GDF11: variants seen among roughly 807,000 people sequenced by gnomAD.
GDF11 encodes growth/differentiation factor 11.
GDF11 carries 12 observed loss-of-function variants against 34.4 expected under a neutral mutation model. That is an observed-to-expected ratio of 0.35 (90% CI 0.22 to 0.57). The LOEUF is 0.57. Ranked by LOEUF, GDF11 falls within the 20% of genes least tolerant of loss-of-function variation. The pLI, the probability that GDF11 is intolerant of heterozygous loss-of-function variation, is 0.86. For missense variants in GDF11, 346 were observed against 548.2 expected (o/e 0.63, Z 3.68); for synonymous variants, 212 against 231.1 (o/e 0.92, Z 0.75).
In GDF11 at chr12:55,743,672, T is replaced by A; in HGVS notation, c.356T>A (p.Phe119Tyr). 1 of 1,603,500 alleles carries A rather than the reference T, an allele frequency of 6.2e-7. No homozygotes were observed. Among genetic ancestry groups the A allele is most frequent in the Non-Finnish European group, 8.5e-7 (1 of 1,179,682 alleles). ...PLQQILDLHD[F>Y]QGDALQPEDF... ...CAGCAGATCCTGGACCTACACGACT[T>A]CCAGGGCGACGCGCTGCAGCCCGAG... is the stretch of plus-strand genomic sequence containing the variant. The change falls in exon 1 of 3, where the codon TTC (phenylalanine) becomes TAC (tyrosine). Residue 119 changes from phenylalanine to tyrosine, a missense_variant. By Grantham distance (22) the Phe-to-Tyr change is conservative. Around this residue, in one of 3 missense-constraint regions of GDF11, gnomAD observed 141 missense variants for 213.8 expected, o/e 0.66. Coordinates refer to ENST00000257868, the MANE Select transcript of GDF11 (RefSeq NM_005811.5).
chr12:55,746,374 C>G (rs568032517), intron 1 of GDF11, among the ~76,000 whole-genome samples: 1 of 152,228 alleles, frequency 6.6e-6, no homozygotes, highest in African/African-American at 2.4e-5. Flanking sequence ...CTTATTCTCC[C>G]TTTGCCATGA....
Position 55,749,057 on chromosome 12 carries a change from G to T in GDF11, c.843+74G>T. On this transcript the variant is annotated intron_variant, in intron 2 of 2. Coordinates refer to ENST00000257868, the MANE Select transcript of GDF11 (RefSeq NM_005811.5). This position sits in a 1 kb window ranked among gnomAD's most constrained non-coding sequence, Gnocchi z 5.6. ...AGATAGGGTTACATTGGAAAAGGTA[G>T]ACAAGGAATGTGAAGGAGGTTGGGG... The T allele has an allele frequency of 1.4e-6, 2 of 1,406,994 alleles. No individual in the cohort carries two copies. Among genetic ancestry groups the T allele is most frequent in the South Asian group, 2.8e-5 (2 of 70,826 alleles). 87.2% of individuals were successfully genotyped at this position (1,406,994 alleles called of 1,614,324 possible).
rs746758754 is a variant in GDF11 at position 55,748,437 on chromosome 12, C to T, written c.446-149C>T. The T allele has an allele frequency of 3.4e-5, 24 of 699,884 alleles. No individual in the cohort carries two copies. The highest frequency in any genetic ancestry group is 4.1e-4 in the Middle Eastern group (1 of 2,436). 43.4% of individuals were successfully genotyped at this position (699,884 alleles called of 1,614,324 possible). A position where few individuals can be genotyped will look rare whatever the true frequency, so the allele number is the denominator to read the frequency against. The stretch of plus-strand genomic sequence containing the variant: ...AAAGAGGAAGTGCTGTTTTAGGTAC[C>T]GGAGACATGGTATAAGATAGGCATG... On this transcript the variant is annotated intron_variant, in intron 1 of 2. Transcript: ENST00000257868. The surrounding 1 kb of genome is among the most constrained non-coding windows in gnomAD (Gnocchi z 5.6).
Position 55,748,789 on chromosome 12 carries a change from C to T in GDF11, c.649C>T (p.Arg217Cys). 1.2e-6 allele frequency: 2 copies of T among 1,614,142 alleles called. No homozygotes were observed. The highest frequency in any genetic ancestry group is 1.7e-6 in the Non-Finnish European group (2 of 1,180,012). Residue 217 changes from arginine to cysteine, a missense_variant, in exon 2 of 3, where the codon CGT becomes TGT. Arg to Cys is a radical substitution (Grantham distance 180). Transcript: ENST00000257868. The surrounding 1 kb of genome is among the most constrained non-coding windows in gnomAD (Gnocchi z 5.6). Reference sequence around the variant, plus strand: ...CGCAGGGGGAGGGGGCGGAGGCCGGCGTCACATCCGTATCCGCTCACTGAA... The same window carrying T: ...CGCAGGGGGAGGGGGCGGAGGCCGGTGTCACATCCGTATCCGCTCACTGAA... ...GTAGGGGGGRRHIRIRSLKIE... is the reference protein window; with the variant it reads ...GTAGGGGGGRCHIRIRSLKIE...
chr12:55,756,002 A>G lies in GDF11; in HGVS notation c.*6120A>G, dbSNP rs1878495491. ...TAATCAGCATCTGCTCTATTCCCTC[A>G]TGTATTTTTCTCTTTTTAAAACCAT... On this transcript the variant is annotated 3_prime_UTR_variant, in exon 3 of 3. Coordinates refer to ENST00000257868, the MANE Select transcript of GDF11 (RefSeq NM_005811.5). 1 of 152,228 alleles carries G rather than the reference A, an allele frequency of 6.6e-6. No individual in the cohort carries two copies. Among genetic ancestry groups the G allele is most frequent in the Admixed American group, 6.5e-5 (1 of 15,278 alleles). 9.4% of individuals were successfully genotyped at this position (152,228 alleles called of 1,614,324 possible). A position where few individuals can be genotyped will look rare whatever the true frequency, so the allele number is the denominator to read the frequency against.
intron 1 of GDF11, among the ~76,000 whole-genome samples, chr12:55,744,796 A>C (rs61134397): frequency 0.02 from 2,978 of 151,486 alleles, 91 homozygotes; most frequent in East Asian, 0.14. Context: ...CAACACACAC[A>C]GAGTTTGGTT....
At position 55,756,545 on chromosome 12, in the gene GDF11, G is replaced by A. The variant is rs930815708; in HGVS notation, c.*6663G>A. ...TCATAGTACCAAAGTCTTCAGGTAAGGTGTCAGGCTCCTAAGTCTTATTAC... is the reference window on the plus strand; with the variant it reads ...TCATAGTACCAAAGTCTTCAGGTAAAGTGTCAGGCTCCTAAGTCTTATTAC... On this transcript the variant is annotated 3_prime_UTR_variant, in exon 3 of 3. Transcript: ENST00000257868. 3 of 152,144 alleles carry A rather than the reference G, an allele frequency of 2.0e-5. No individual in the cohort carries two copies. Among genetic ancestry groups the A allele is most frequent in the African/African-American group, 7.2e-5 (3 of 41,418 alleles). The allele number at this position is 152,144 out of a possible 1,614,324, so 9.4% of individuals were successfully genotyped here. A position where few individuals can be genotyped will look rare whatever the true frequency, so the allele number is the denominator to read the frequency against.
rs185033737 is a variant in GDF11, at chr12:55,748,214, A to G, written c.446-372A>G. The stretch of plus-strand genomic sequence containing the variant: ...AGGTGATGGAAGGGCAGCAGGTGTG[A>G]TAAGAGGTATGGCTTCTATAAAGAG... On this transcript the variant is annotated intron_variant, in intron 1 of 2. Transcript: ENST00000257868. The surrounding 1 kb of genome is among the most constrained non-coding windows in gnomAD (Gnocchi z 5.6). 2.0e-5 allele frequency among the ~76,000 whole-genome samples: 3 copies of G among 152,258 alleles called. No individual in the cohort carries two copies. Among genetic ancestry groups the G allele is most frequent in the South Asian group, 2.1e-4 (1 of 4,834 alleles).
chr12:55,745,911 G>C (rs1305478070), intron 1 of GDF11, among the ~76,000 whole-genome samples: 1 of 151,382 alleles, frequency 6.6e-6, no homozygotes, highest in African/African-American at 2.4e-5. Context: ...CCCACACCAA[G>C]AGGCCCCTGC....
Position 55,750,963 on chromosome 12 carries a change from A to C in GDF11, c.*1081A>C, listed in dbSNP as rs560154222. The C allele has an allele frequency of 1.3e-5, 2 of 152,112 alleles. No individual in the cohort carries two copies. The highest frequency in any genetic ancestry group is 6.5e-5 in the Admixed American group (1 of 15,270). The allele number at this position is 152,112 out of a possible 1,614,324, so 9.4% of individuals were successfully genotyped here. A position where few individuals can be genotyped will look rare whatever the true frequency, so the allele number is the denominator to read the frequency against. The stretch of plus-strand genomic sequence containing the variant: ...CAGCCTCTATCTTCAGGTCAATTAG[A>C]GAGAGTATAGAGACCCCAGAGTCCC... On this transcript the variant is annotated 3_prime_UTR_variant, in exon 3 of 3. Transcript: ENST00000257868.
Position 55,754,857 on chromosome 12 carries a change from A to C in GDF11, c.*4975A>C, listed in dbSNP as rs1229909069. On this transcript the variant is annotated 3_prime_UTR_variant, in exon 3 of 3. Coordinates refer to ENST00000257868, the MANE Select transcript of GDF11 (RefSeq NM_005811.5). The stretch of plus-strand genomic sequence containing the variant: ...CTCAGAGCTAGTGTGGTAGAATAAG[A>C]AATTAAACCTAAGTAGTTGCTAAAC... 1 of 152,194 alleles carries C rather than the reference A, an allele frequency of 6.6e-6. No individual in the cohort carries two copies. The highest frequency in any genetic ancestry group is 2.4e-5 in the African/African-American group (1 of 41,442). 9.4% of individuals were successfully genotyped at this position (152,194 alleles called of 1,614,324 possible).
In GDF11 at chr12:55,749,026, C is replaced by T. The variant is rs1343027323; in HGVS notation, c.843+43C>T. The T allele has an allele frequency of 6.5e-7, 1 of 1,534,674 alleles. No individual in the cohort carries two copies. Among genetic ancestry groups the T allele is most frequent in the Admixed American group, 1.9e-5 (1 of 52,274 alleles). ...GGTGGTGGATATGTGTAACCTGGCC[C>T]TGAGGAGATAGGGTTACATTGGAAA... is the stretch of plus-strand genomic sequence containing the variant. On this transcript the variant is annotated intron_variant, in intron 2 of 2. Coordinates refer to ENST00000257868, the MANE Select transcript of GDF11 (RefSeq NM_005811.5). The surrounding 1 kb of genome is among the most constrained non-coding windows in gnomAD (Gnocchi z 5.6).
Position 55,749,633 on chromosome 12 carries a change from C to T in GDF11, c.975C>T (p.Phe325=), listed in dbSNP as rs1356334594. Residue 325 remains phenylalanine (F), a synonymous_variant, in exon 3 of 3, where the codon TTC becomes TTT. Transcript: ENST00000257868. This position sits in a 1 kb window ranked among gnomAD's most constrained non-coding sequence, Gnocchi z 5.6. ...RYPLTVDFEA[F]GWDWIIAPKR... is the part of the protein sequence containing the mutation. ...CCCTCACAGTGGACTTTGAGGCTTT[C>T]GGCTGGGACTGGATCATCGCACCTA... 1.2e-5 allele frequency: 19 copies of T among 1,614,012 alleles called. No individual in the cohort carries two copies. Among genetic ancestry groups the T allele is most frequent in the Non-Finnish European group, 1.4e-5 (16 of 1,180,032 alleles).
At chr12:55,747,476 A>C (rs1410369911) in intron 1 of GDF11, among the ~76,000 whole-genome samples, 1 of 152,190 alleles carries the variant, frequency 6.6e-6, no homozygotes, top group Admixed American at 6.5e-5. Context: ...TTAAAGGCCT[A>C]GACTTCCTAA....
chr12:55,743,758 G>T lies in GDF11; in HGVS notation c.442G>T (p.Glu148Ter). Reference protein sequence around the residue: ...TTETVISMAQETDPAVQTDGS... With the variant: ...TTETVISMAQ ...CGAGACCGTCATTAGCATGGCCCAGGAGAGTAAGTGGGCTGCGGGGCGCGA... is the reference window on the plus strand; with the variant it reads ...CGAGACCGTCATTAGCATGGCCCAGTAGAGTAAGTGGGCTGCGGGGCGCGA... Residue 148 changes from glutamate to a stop codon, truncating the protein, a stop_gained, in exon 1 of 3, where the codon GAG becomes TAG. Coordinates refer to ENST00000257868, the MANE Select transcript of GDF11 (RefSeq NM_005811.5). LOFTEE classifies it high-confidence loss of function. The T allele has an allele frequency of 6.5e-7, 1 of 1,546,268 alleles. No individual in the cohort carries two copies. The highest frequency in any genetic ancestry group is 1.2e-5 in the South Asian group (1 of 86,892).
intron 1 of GDF11, among the ~76,000 whole-genome samples, chr12:55,744,732 CCTCT>C (rs1878144296): frequency 6.6e-6 from 1 of 151,650 alleles, no homozygotes; most frequent in Admixed American, 6.6e-5. Flanking sequence ...GGGAACCAGG[CCTCT>C]CTTATTCCCT....
At chr12:55,744,723 G>A (rs999552369) in intron 1 of GDF11, among the ~76,000 whole-genome samples, 17 of 150,374 alleles carry the variant, frequency 1.1e-4, no homozygotes, top group Non-Finnish European at 2.2e-4. Context: ...CCAACTACAG[G>A]GAACCAGGCC....
rs1350224390 is a variant in GDF11 at position 55,752,745 on chromosome 12, A to G, written c.*2863A>G. ...TGGAGGGAACCACTGCAAAAAGGCCATCAGGCAGTTTTCAAGTTATGTGAC... is the reference window on the plus strand; with the variant it reads ...TGGAGGGAACCACTGCAAAAAGGCCGTCAGGCAGTTTTCAAGTTATGTGAC... On this transcript the variant is annotated 3_prime_UTR_variant, in exon 3 of 3. Transcript: ENST00000257868. The G allele has an allele frequency of 6.6e-6, 1 of 152,194 alleles. No homozygotes were observed. The highest frequency in any genetic ancestry group is 1.5e-5 in the Non-Finnish European group (1 of 68,032). 9.4% of individuals were successfully genotyped at this position (152,194 alleles called of 1,614,324 possible).
At chr12:55,747,939 TAAGA>T (rs951037724) in intron 1 of GDF11, among the ~76,000 whole-genome samples, 10 of 152,330 alleles carry the variant, frequency 6.6e-5, no homozygotes, top group African/African-American at 2.2e-4. Context: ...AGAAACTTCT[TAAGA>T]GAGAATGGGG....
Sources: gnomAD v4.1 joint callset for allele counts (sites outside exome capture counted in the v4.1 genomes callset) on GRCh38, gnomAD v4.1.1 for gene constraint, gnomAD v4.1.1 regional missense constraint, Gnocchi (gnomAD v3.1) non-coding constraint, MANE v1.5 for transcripts, NCBI Gene and HGNC (gene_info 2026-07-23, HGNC 2026-07-21) for gene names.